GTF2F2: variants seen among roughly 807,000 people sequenced by gnomAD.
GTF2F2 encodes general transcription factor IIF subunit 2, also known as ATP-dependent helicase GTF2F2.
In GTF2F2, 23 loss-of-function variants were observed where a neutral mutation model predicts 42.2. That is an observed-to-expected ratio of 0.55 (90% CI 0.39 to 0.77). The LOEUF (loss-of-function observed/expected upper bound fraction) is 0.77. Among genes scored for constraint, GTF2F2 ranks in the 30% least tolerant of loss-of-function variants. The pLI is 0.00. For missense variants in GTF2F2, 261 were observed against 287.2 expected (o/e 0.91, Z 0.66); for synonymous variants, 105 against 100.8 (o/e 1.04, Z -0.25).
intron 4 of GTF2F2, among the ~76,000 whole-genome samples, chr13:45,152,367 T>G (rs1176480169): frequency 6.6e-6 from 1 of 152,222 alleles, no homozygotes; most frequent in Non-Finnish European, 1.5e-5. Flanking sequence ...AATTTCCATT[T>G]GGGATATGAA....
intron 6 of GTF2F2, among the ~76,000 whole-genome samples, chr13:45,260,549 G>A (rs2138256569): frequency 6.6e-6 from 1 of 152,302 alleles, no homozygotes; most frequent in African/African-American, 2.4e-5. Context: ...AGACTGCCTT[G>A]ACAAAACACA....
intron 5 of GTF2F2, among the ~76,000 whole-genome samples, chr13:45,228,639 C>T (rs1406029942): frequency 6.6e-6 from 1 of 150,622 alleles, no homozygotes; most frequent in African/African-American, 2.5e-5. Flanking sequence ...CTTATCTCGC[C>T]TCATTCTCCT....
chr13:45,165,806 C>CT (rs5803286), intron 4 of GTF2F2, among the ~76,000 whole-genome samples: 5,025 of 88,834 alleles, frequency 0.057, 241 homozygotes, highest in Non-Finnish European at 0.061. Context: ...TCAGTACATT[C>CT]TTTTTTTTTT....
At chr13:45,194,096 A>G in intron 4 of GTF2F2, 4 of 1,614,150 alleles carry the variant, frequency 2.5e-6, no homozygotes, top group Non-Finnish European at 3.4e-6. Flanking sequence ...GCATTACAGA[A>G]GATTCTTAAT....
chr13:45,162,678 C>A (rs1182896967), intron 4 of GTF2F2, among the ~76,000 whole-genome samples: 1 of 152,080 alleles, frequency 6.6e-6, no homozygotes, highest in East Asian at 1.9e-4. Context: ...TATGTGGTAG[C>A]TTTAATAATC....
At chr13:45,195,279 A>G (rs1400571350) in intron 4 of GTF2F2, among the ~76,000 whole-genome samples, 1 of 151,704 alleles carries the variant, frequency 6.6e-6, no homozygotes, top group Non-Finnish European at 1.5e-5. Context: ...TATTTTATTT[A>G]CCCTAAAAGT....
intron 3 of GTF2F2, among the ~76,000 whole-genome samples, chr13:45,150,797 G>T (rs1870453370): frequency 6.6e-6 from 1 of 151,334 alleles, no homozygotes. Context: ...GCCCACCTCG[G>T]CCTCTCAAGG....
intron 5 of GTF2F2, among the ~76,000 whole-genome samples, chr13:45,207,870 A>T (rs959455805): frequency 1.3e-5 from 2 of 152,172 alleles, no homozygotes; most frequent in African/African-American, 4.8e-5. Context: ...GAAATACTGT[A>T]ACTGGGCCAG....
chr13:45,195,098 G>A (rs897137877), intron 4 of GTF2F2, among the ~76,000 whole-genome samples: 1 of 151,914 alleles, frequency 6.6e-6, no homozygotes, highest in Non-Finnish European at 1.5e-5. Context: ...TTTCTTTCCC[G>A]GAAAAAGTCA....
intron 5 of GTF2F2, among the ~76,000 whole-genome samples, chr13:45,226,159 C>T (rs1874343352): frequency 5.3e-5 from 8 of 151,842 alleles, no homozygotes; most frequent in Admixed American, 5.2e-4. Context: ...GTAGGGGAGA[C>T]TTATTTATAA....
intron 6 of GTF2F2, among the ~76,000 whole-genome samples, chr13:45,253,813 C>A (rs1184643421): frequency 1.3e-5 from 2 of 152,162 alleles, no homozygotes; most frequent in African/African-American, 2.4e-5. Flanking sequence ...CGGTGGCTCA[C>A]GCCTGTAATC....
At chr13:45,233,065 A>G (rs1874769261) in intron 5 of GTF2F2, among the ~76,000 whole-genome samples, 1 of 152,326 alleles carries the variant, frequency 6.6e-6, no homozygotes, top group Admixed American at 6.5e-5. Context: ...AACGTACTCC[A>G]TATTTTAAGC....
intron 1 of GTF2F2, among the ~76,000 whole-genome samples, chr13:45,124,682 AG>A (rs1471967451): frequency 6.6e-6 from 1 of 152,150 alleles, no homozygotes; most frequent in Non-Finnish European, 1.5e-5. Flanking sequence ...CTCCTGCCTC[AG>A]CCTCCCGAAT....
At chr13:45,125,535 G>C (rs550903960) in intron 1 of GTF2F2, among the ~76,000 whole-genome samples, 1 of 152,058 alleles carries the variant, frequency 6.6e-6, no homozygotes, top group East Asian at 1.9e-4. Flanking sequence ...GGCCAGGATG[G>C]TCTCAATCTC....
intron 6 of GTF2F2, among the ~76,000 whole-genome samples, chr13:45,258,160 A>T: frequency 6.6e-6 from 1 of 152,134 alleles, no homozygotes; most frequent in East Asian, 1.9e-4. Flanking sequence ...TATCATTTTA[A>T]ATATGGCTTG....
chr13:45,130,550 A>G (rs1869291924), intron 1 of GTF2F2, among the ~76,000 whole-genome samples: 2 of 152,142 alleles, frequency 1.3e-5, no homozygotes, highest in Non-Finnish European at 2.9e-5. Context: ...TATTCAAGAG[A>G]TGATGGTGGC....
chr13:45,276,584 C>T (rs890810306), intron 7 of GTF2F2, among the ~76,000 whole-genome samples: 3 of 152,046 alleles, frequency 2.0e-5, no homozygotes, highest in Non-Finnish European at 2.9e-5. Flanking sequence ...CTACAGGTGC[C>T]TGACACCATG....
intron 4 of GTF2F2, among the ~76,000 whole-genome samples, chr13:45,172,354 C>A (rs1423419202): frequency 1.3e-5 from 2 of 152,088 alleles, no homozygotes; most frequent in Admixed American, 1.3e-4. Context: ...TGGACAAATA[C>A]CTATTCCAGA....
chr13:45,135,587 C>T (rs1170835989), intron 1 of GTF2F2, among the ~76,000 whole-genome samples: 1 of 152,188 alleles, frequency 6.6e-6, no homozygotes, highest in African/African-American at 2.4e-5. Context: ...GTGAAGAGTG[C>T]ATACATAATT....
Sources: allele counts gnomAD v4.1 joint callset (sites outside exome capture counted in the v4.1 genomes callset), GRCh38; gene constraint gnomAD v4.1.1; transcripts MANE v1.5; gene names NCBI Gene and HGNC (gene_info 2026-07-23, HGNC 2026-07-21).